The following JAM2 variants were observed in gnomAD, a reference collection of about 807,000 sequenced individuals.
JAM2 encodes the protein junctional adhesion molecule B.
Under a neutral mutation model 42.0 loss-of-function variants are expected in JAM2, and 17 were observed. That is an observed-to-expected ratio of 0.40 (90% confidence interval 0.28 to 0.61). The LOEUF is 0.61. JAM2 is among the 20% of genes least tolerant of loss of function. JAM2 has a pLI of 0.37. For missense variants in JAM2, 319 were observed against 358.3 expected, an observed-to-expected ratio of 0.89 and a Z score of 0.89; for synonymous variants, 118 against 128.6, an observed-to-expected ratio of 0.92 and a Z score of 0.56.
At chr21:25,697,990 C>T (rs889493811) in intron 4 of JAM2, among the ~76,000 whole-genome samples, 2 of 151,122 alleles carry the variant, frequency 1.3e-5, no homozygotes, top group Non-Finnish European at 2.9e-5. Flanking sequence ...CACATTCTCT[C>T]TCTCTCTCCC....
At chr21:25,714,398 G>A in intron 9 of JAM2, 1 of 444,142 alleles carries the variant, frequency 2.3e-6, no homozygotes, top group Non-Finnish European at 3.9e-6. Context: ...CAGCTGCTTG[G>A]GAGACAGGAG....
chr21:25,709,389 CCAT>C (rs1394200212), intron 7 of JAM2, 42 bp from the exon 8 acceptor site: 15 of 1,029,976 alleles, frequency 1.5e-5, no homozygotes, highest in Non-Finnish European at 2.0e-5. Context: ...CTGTATCATA[CCAT>C]AATAACCCTT....
chr21:25,641,161 GA>G lies in JAM2; in HGVS notation c.67+1281del, dbSNP rs557950051. 4.3e-4 allele frequency among the ~76,000 whole-genome samples: 66 copies of G among 151,912 alleles called. 1 individual carries two copies. The South Asian group carries it at 0.013, about 29-fold the overall frequency. ...TTGGTATCATATGGAACACACAGAAGAAAAAAAATGCACTCATGCTAAAAGG... is the reference window on the plus strand; with the variant it reads ...TTGGTATCATATGGAACACACAGAAGAAAAAAATGCACTCATGCTAAAAGG... On this transcript the variant is annotated intron_variant, in intron 1 of 9. Coordinates refer to ENST00000480456, the MANE Select transcript of JAM2 (RefSeq NM_021219.4).
chr21:25,678,863 G>A (rs752030915), intron 1 of JAM2, among the ~76,000 whole-genome samples: 1 of 152,146 alleles, frequency 6.6e-6, no homozygotes, highest in Non-Finnish European at 1.5e-5. Context: ...GCAGTGGTGC[G>A]ATCATAGCTC....
intron 1 of JAM2, among the ~76,000 whole-genome samples, chr21:25,658,387 A>G (rs920742624): frequency 1.3e-5 from 2 of 152,148 alleles, no homozygotes; most frequent in African/African-American, 4.8e-5. Flanking sequence ...ACCATTGGAG[A>G]GTGGATGATC....
intron 9 of JAM2, among the ~76,000 whole-genome samples, chr21:25,713,255 A>G (rs1451087040): frequency 6.6e-6 from 1 of 152,212 alleles, no homozygotes; most frequent in Non-Finnish European, 1.5e-5. Flanking sequence ...CATTTCAGAA[A>G]TGTTTGAAAA....
intron 3 of JAM2, among the ~76,000 whole-genome samples, chr21:25,690,451 C>A (rs940107340): frequency 6.6e-6 from 1 of 152,072 alleles, no homozygotes; most frequent in Non-Finnish European, 1.5e-5. Flanking sequence ...ATCTCAGTCC[C>A]CAAGTAGGTG....
intron 1 of JAM2, among the ~76,000 whole-genome samples, chr21:25,669,452 A>C (rs2033306051): frequency 6.6e-6 from 1 of 152,114 alleles, no homozygotes; most frequent in South Asian, 2.1e-4. Context: ...TTTTCATAGA[A>C]CATCCTCATA....
rs762078377 is a variant in JAM2 at position 25,689,846 on chromosome 21, A to AT, written c.134-15dup. 1 of 1,471,294 alleles carries AT rather than the reference A, an allele frequency of 6.8e-7. No individual in the cohort carries two copies. Among genetic ancestry groups the AT allele is most frequent in the African/African-American group, 1.4e-5 (1 of 71,630 alleles). The allele number at this position is 1,471,294 out of a possible 1,614,324, so 91.1% of individuals were successfully genotyped here. On this transcript the variant is annotated intron_variant, in intron 2 of 9. Transcript: ENST00000480456. ...TCATGGGGACAATTAGAAAACAAGT[A>AT]TTTTTATTGTTGTTCCTAGAGGCTA...
At chr21:25,687,947 T>A (rs540814114) in intron 2 of JAM2, among the ~76,000 whole-genome samples, 128 of 152,346 alleles carry the variant, frequency 8.4e-4, no homozygotes, top group African/African-American at 2.9e-3. Context: ...ATTCACTTTA[T>A]TATGTTTCTT....
At chr21:25,656,874 C>A (rs939940490) in intron 1 of JAM2, among the ~76,000 whole-genome samples, 1 of 152,180 alleles carries the variant, frequency 6.6e-6, no homozygotes, top group African/African-American at 2.4e-5. Context: ...TATTTGGCCA[C>A]AAGTTACCAA....
intron 1 of JAM2, among the ~76,000 whole-genome samples, chr21:25,681,957 G>A (rs950109826): frequency 1.3e-5 from 2 of 152,196 alleles, no homozygotes; most frequent in African/African-American, 4.8e-5. Context: ...ACTCCAGCCT[G>A]GGTGACAGAG....
intron 1 of JAM2, among the ~76,000 whole-genome samples, chr21:25,672,232 A>C (rs1368717175): frequency 6.6e-6 from 1 of 152,062 alleles, no homozygotes; most frequent in Admixed American, 6.6e-5. Flanking sequence ...TTACAGGTGC[A>C]TGCCACCACA....
chr21:25,713,301 A>G (rs1197451784), intron 9 of JAM2, among the ~76,000 whole-genome samples: 2 of 152,218 alleles, frequency 1.3e-5, no homozygotes, highest in Non-Finnish European at 2.9e-5. Flanking sequence ...GTTTTAAGGA[A>G]CATAATTTAG....
rs1376452267 is a variant in JAM2 at position 25,698,849 on chromosome 21, A to G, written c.567A>G (p.Ser189=). 1.9e-6 allele frequency: 3 copies of G among 1,614,172 alleles called. No individual in the cohort carries two copies. The highest frequency in any genetic ancestry group is 2.5e-6 in the Non-Finnish European group (3 of 1,180,016). Residue 189 remains serine (S), a synonymous_variant, in exon 5 of 10, where the codon TCA becomes TCG. Transcript: ENST00000480456. ...TTGGCTCCCAAAGCACCAACAGCTCATACACAATGAATACAAAAACTGGAA... is the reference window on the plus strand; with the variant it reads ...TTGGCTCCCAAAGCACCAACAGCTCGTACACAATGAATACAAAAACTGGAA... ...PRLGSQSTNS[S]YTMNTKTGTL... is the part of the protein sequence containing the mutation.
chr21:25,709,107 AC>A (rs2034331813), intron 7 of JAM2, among the ~76,000 whole-genome samples: 1 of 152,042 alleles, frequency 6.6e-6, no homozygotes, highest in African/African-American at 2.4e-5. Context: ...CATTTCTCTA[AC>A]TAGTAGGCCT....
At chr21:25,682,993 G>C (rs2033671124) in intron 1 of JAM2, among the ~76,000 whole-genome samples, 2 of 152,050 alleles carry the variant, frequency 1.3e-5, no homozygotes, top group Middle Eastern at 3.2e-3. Flanking sequence ...TCTGCTTCTA[G>C]AACCTGGGAT....
chr21:25,674,945 G>T (rs2033447928), intron 1 of JAM2, among the ~76,000 whole-genome samples: 2 of 151,820 alleles, frequency 1.3e-5, no homozygotes, highest in African/African-American at 4.8e-5. Flanking sequence ...TTTTATATTT[G>T]TTAGTATATG....
At chr21:25,714,444 G>A (rs1355209306) in intron 9 of JAM2, 196 bp from the exon 10 acceptor site, 1 of 500,140 alleles carries the variant, frequency 2.0e-6, no homozygotes, top group East Asian at 4.9e-5. Context: ...GTTGCAGTGA[G>A]CTGAGATCAC....
Sources: gnomAD v4.1 joint callset for allele counts (sites outside exome capture counted in the v4.1 genomes callset) on GRCh38, gnomAD v4.1.1 for gene constraint, MANE v1.5 for transcripts, NCBI Gene and HGNC (gene_info 2026-07-23, HGNC 2026-07-21) for gene names.